The following AKAP6 variants were observed in gnomAD, a reference collection of about 807,000 sequenced individuals.
AKAP6 encodes A-kinase anchoring protein 6, also known as A-kinase anchor protein 6.
In AKAP6, 58 loss-of-function variants were observed where a neutral mutation model predicts 188.5. The observed-to-expected ratio is 0.31, with a 90% CI of 0.25 to 0.38. AKAP6 has a LOEUF of 0.38. Ranked by LOEUF, AKAP6 falls within the 10% of genes least tolerant of loss-of-function variation. AKAP6 has a pLI of 1.00. For missense variants in AKAP6, 2,710 were observed against 2,740.0 expected (o/e 0.99, Z 0.24); for synonymous variants, 989 against 998.6 (o/e 0.99, Z 0.18).
At chr14:32,446,405 T>A (rs1890756534) in intron 2 of AKAP6, among the ~76,000 whole-genome samples, 1 of 152,232 alleles carries the variant, frequency 6.6e-6, no homozygotes, top group African/African-American at 2.4e-5. Flanking sequence ...TCATTTTGTA[T>A]ATGTAGGATA....
At chr14:32,737,193 A>C (rs2031468042) in intron 11 of AKAP6, among the ~76,000 whole-genome samples, 1 of 152,132 alleles carries the variant, frequency 6.6e-6, no homozygotes, top group African/African-American at 2.4e-5. Flanking sequence ...GTTCCTTTCT[A>C]AAGTTGACCT....
intron 7 of AKAP6, among the ~76,000 whole-genome samples, chr14:32,643,777 T>C (rs577608880): frequency 5.9e-5 from 9 of 152,182 alleles, no homozygotes; most frequent in Non-Finnish European, 1.0e-4. Flanking sequence ...GACAGAGACG[T>C]GTCCTTTATG....
intron 12 of AKAP6, among the ~76,000 whole-genome samples, chr14:32,807,463 G>A (rs1242424774): frequency 6.6e-6 from 1 of 152,142 alleles, no homozygotes; most frequent in Non-Finnish European, 1.5e-5. Context: ...TCTCTAGTGA[G>A]GGAAGAAAAC....
At chr14:32,364,457 G>C (rs935735727) in intron 1 of AKAP6, among the ~76,000 whole-genome samples, 2 of 152,082 alleles carry the variant, frequency 1.3e-5, no homozygotes, top group East Asian at 1.9e-4. Flanking sequence ...CTCCCCCTCA[G>C]TTCCCTACCC....
chr14:32,353,504 T>G (rs545286993), intron 1 of AKAP6, among the ~76,000 whole-genome samples: 1 of 152,218 alleles, frequency 6.6e-6, no homozygotes, highest in African/African-American at 2.4e-5. Flanking sequence ...GAGGTTGCAG[T>G]GAGCCGAGAT....
chr14:32,734,094 A>G (rs971899265), intron 10 of AKAP6: 5 of 152,166 alleles, frequency 3.3e-5, no homozygotes, highest in African/African-American at 1.2e-4. Flanking sequence ...CCATTTTGAC[A>G]AAAACATCAT....
chr14:32,511,438 G>A (rs1193326407), intron 2 of AKAP6, among the ~76,000 whole-genome samples: 1 of 150,238 alleles, frequency 6.7e-6, no homozygotes, highest in African/African-American at 2.5e-5. Flanking sequence ...GTGCAGTGGT[G>A]GATCTCAGCT....
At position 32,696,098 on chromosome 14, in the gene AKAP6, G is replaced by A. The variant is rs1890390610; in HGVS notation, c.2988G>A (p.Gln996=). The part of the protein sequence containing the change: ...HDLMMSEEQQ[Q]HLYKRYSVEM... Reference sequence around the variant, plus strand: ...TGATGATGTCAGAGGAGCAGCAGCAGCATCTTTACAAGGTTAGAGCTACCC... The same window carrying A: ...TGATGATGTCAGAGGAGCAGCAGCAACATCTTTACAAGGTTAGAGCTACCC... The change falls in exon 9 of 14, where the codon CAG becomes CAA. Residue 996 remains glutamine (Q), a synonymous_variant. Transcript: ENST00000280979. The A allele has an allele frequency of 6.2e-6, 10 of 1,608,154 alleles. No homozygotes were observed. Among genetic ancestry groups the A allele is most frequent in the African/African-American group, 1.3e-5 (1 of 74,466 alleles).
chr14:32,608,311 C>T (rs1346221435), intron 7 of AKAP6, among the ~76,000 whole-genome samples: 4 of 151,636 alleles, frequency 2.6e-5, no homozygotes, highest in African/African-American at 9.7e-5. Flanking sequence ...CAAGCCTGGC[C>T]AATATGGTGA....
intron 9 of AKAP6, among the ~76,000 whole-genome samples, chr14:32,713,809 A>G (rs1386606198): frequency 6.6e-6 from 1 of 152,068 alleles, no homozygotes; most frequent in Non-Finnish European, 1.5e-5. Flanking sequence ...CTTTTTCCCT[A>G]TCAGCAATAA....
Position 32,824,375 on chromosome 14 carries a change from C to A in AKAP6, c.6562C>A (p.Pro2188Thr). Residue 2188 changes from proline (P) to threonine (T), a missense_variant, in exon 13 of 14, where the codon CCA (proline) becomes ACA (threonine). Coordinates refer to ENST00000280979, the MANE Select transcript of AKAP6 (RefSeq NM_004274.5). ...ESAVPSEAAM[P>T]LQATACSSEF... ...TGCAGTTCCCAGCGAAGCTGCAATG[C>A]CACTACAAGCAACAGCATGTTCTTC... The A allele has an allele frequency of 1.2e-6, 2 of 1,613,880 alleles. No homozygotes were observed. The highest frequency in any genetic ancestry group is 1.7e-6 in the Non-Finnish European group (2 of 1,179,938).
Position 32,732,647 on chromosome 14 carries a change from G to T in AKAP6, c.3147+47G>T, listed in dbSNP as rs112673781. The stretch of plus-strand genomic sequence containing the variant: ...TTTGTAGGTTATGTGTACATTTTTT[G>T]CGTAGTGAAGTACTCTGTCCGATTT... On this transcript the variant is annotated intron_variant, in intron 10 of 13. Transcript: ENST00000280979. 1.2e-5 allele frequency: 19 copies of T among 1,593,396 alleles called. No homozygotes were observed. The African/African-American group carries it at 2.1e-4, about 18-fold the overall frequency.
rs150897041 is a variant in AKAP6, at chr14:32,336,313, A to G, written c.-35+6905A>G. On this transcript the variant is annotated intron_variant, in intron 1 of 13. Coordinates refer to ENST00000280979, the MANE Select transcript of AKAP6 (RefSeq NM_004274.5). ...AAGCCTAAGAATAGAGTCTTCTTCA[A>G]GGATCAAGCCCCAGGAATACAAGAC... Among the ~76,000 whole-genome samples the G allele has an allele frequency of 1.1e-4, 16 of 152,244 alleles. No individual in the cohort carries two copies. The East Asian group carries it at 3.1e-3, about 29-fold the overall frequency.
chr14:32,702,407 C>CT (rs377225591), intron 9 of AKAP6, among the ~76,000 whole-genome samples: 62 of 146,088 alleles, frequency 4.2e-4, no homozygotes, highest in African/African-American at 1.0e-3. Flanking sequence ...ATTTTTTTTC[C>CT]TTTTTTTTTT....
At chr14:32,486,126 G>A (rs116033172) in intron 2 of AKAP6, among the ~76,000 whole-genome samples, 2,394 of 152,168 alleles carry the variant, frequency 0.016, 70 homozygotes, top group African/African-American at 0.053. Context: ...TCAGATGGTC[G>A]TAGATGTGGT....
intron 9 of AKAP6, among the ~76,000 whole-genome samples, chr14:32,719,717 A>G (rs939979344): frequency 1.3e-5 from 2 of 152,194 alleles, no homozygotes; most frequent in African/African-American, 2.4e-5. Flanking sequence ...GGCACTAATG[A>G]AATATGCATG....
chr14:32,678,051 A>T lies in AKAP6; in HGVS notation c.2731-260A>T, dbSNP rs1569970. On this transcript the variant is annotated intron_variant, in intron 7 of 13. Transcript: ENST00000280979. ...TTTATGTAAAGTCTTATCATACAGT[A>T]TTATGATCTCAGGGATATTTTGTGA... Among the ~76,000 whole-genome samples, 887 of 152,332 alleles carry T rather than the reference A, an allele frequency of 5.8e-3. 14 individuals are homozygous for T. Among genetic ancestry groups the T allele is most frequent in the African/African-American group, 0.021 (863 of 41,572 alleles).
rs200420042 is a variant in AKAP6 at position 32,457,006 on chromosome 14, C to CT, written c.324+23196dup. Among the ~76,000 whole-genome samples, 1,298 of 152,228 alleles carry CT rather than the reference C, an allele frequency of 8.5e-3. 18 individuals carry two copies. Among genetic ancestry groups the CT allele is most frequent in the African/African-American group, 0.029 (1,186 of 41,542 alleles). On this transcript the variant is annotated intron_variant, in intron 2 of 13. Coordinates refer to ENST00000280979, the MANE Select transcript of AKAP6 (RefSeq NM_004274.5). ...GCCAAGATGTAACTTCATAGACAGA[C>CT]TTTTTTTATTGCCCTCTGTCTGAAA...
intron 12 of AKAP6, among the ~76,000 whole-genome samples, chr14:32,813,390 C>CG (rs1491283881): frequency 1.7e-5 from 1 of 57,876 alleles, no homozygotes; most frequent in Non-Finnish European, 3.2e-5. Context: ...TCTAACCCTA[C>CG]CCCCCCCCCC....
Sources: gnomAD v4.1 joint callset for allele counts (sites outside exome capture counted in the v4.1 genomes callset) on GRCh38, gnomAD v4.1.1 for gene constraint, MANE v1.5 for transcripts, NCBI Gene and HGNC (gene_info 2026-07-23, HGNC 2026-07-21) for gene names.